MDH1B: variants seen among roughly 807,000 people sequenced by gnomAD.
MDH1B encodes the protein malate dehydrogenase 1B, also known as putative malate dehydrogenase 1B.
A neutral mutation model predicts 61.4 loss-of-function variants in MDH1B; 60 were observed. The observed-to-expected ratio is 0.98, with a 90% CI of 0.79 to 1.21. The LOEUF (loss-of-function observed/expected upper bound fraction) is 1.21, where lower values mean the gene tolerates loss of function less well. MDH1B is among the 50% of genes most tolerant of loss of function. The pLI is 0.00. For synonymous variants in MDH1B, 236 were observed against 218.7 expected, an observed-to-expected ratio of 1.08 and a Z score of -0.70; for missense variants, 587 against 632.1, an observed-to-expected ratio of 0.93 and a Z score of 0.76.
chr2:206,743,490 C>T (rs1687929345), intron 9 of MDH1B, among the ~76,000 whole-genome samples: 1 of 152,150 alleles, frequency 6.6e-6, no homozygotes, highest in South Asian at 2.1e-4. Flanking sequence ...CTCTTACCTT[C>T]TCTCTAGACA....
intron 11 of MDH1B, among the ~76,000 whole-genome samples, 190 bp from the exon 12 acceptor site, chr2:206,738,701 A>C (rs1687635961): frequency 6.6e-6 from 1 of 152,090 alleles, no homozygotes; most frequent in Non-Finnish European, 1.5e-5. Context: ...ATATAGCAAA[A>C]CTAATTGTGG....
At chr2:206,740,973 T>C in intron 10 of MDH1B, 81 bp downstream of exon 10, 2 of 1,586,018 alleles carry the variant, frequency 1.3e-6, no homozygotes, top group South Asian at 1.1e-5. Context: ...CGCTAGACCA[T>C]AACATTATTC....
intron 5 of MDH1B, among the ~76,000 whole-genome samples, chr2:206,754,088 G>GAT (rs1171691823): frequency 6.6e-6 from 1 of 152,154 alleles, no homozygotes; most frequent in Non-Finnish European, 1.5e-5. Context: ...AAATACTAAA[G>GAT]ATATGTATGC....
At chr2:206,752,350 A>G (rs1688500309) in intron 5 of MDH1B, among the ~76,000 whole-genome samples, 1 of 152,208 alleles carries the variant, frequency 6.6e-6, no homozygotes, top group African/African-American at 2.4e-5. Context: ...GAGCCTCTAT[A>G]GTAGAGAGAG....
intron 9 of MDH1B, 45 bp downstream of exon 9, chr2:206,745,577 C>T (rs752079190): frequency 7.2e-7 from 1 of 1,389,876 alleles, no homozygotes; most frequent in Admixed American, 1.8e-5. Context: ...TATTTTAATA[C>T]TCTTTTAATA....
intron 10 of MDH1B, among the ~76,000 whole-genome samples, chr2:206,740,038 T>C (rs1346469127): frequency 6.6e-6 from 1 of 152,240 alleles, no homozygotes; most frequent in South Asian, 2.1e-4. Context: ...GACTAAATTA[T>C]TATTTTTTTG....
chr2:206,751,162 T>A (rs766635418), intron 5 of MDH1B, 87 bp from the exon 6 acceptor site: 118 of 965,870 alleles, frequency 1.2e-4, no homozygotes, highest in Non-Finnish European at 1.7e-4. Flanking sequence ...TTTGCGTGCA[T>A]GTTTGTTTTA....
intron 10 of MDH1B, 28 bp downstream of exon 10, chr2:206,741,026 G>C: frequency 6.2e-7 from 1 of 1,612,634 alleles, no homozygotes; most frequent in Non-Finnish European, 8.5e-7. Context: ...TAGCAATATA[G>C]ACATTGTTTA....
intron 7 of MDH1B, among the ~76,000 whole-genome samples, chr2:206,748,271 C>A (rs1313933065): frequency 6.6e-6 from 1 of 152,198 alleles, no homozygotes; most frequent in East Asian, 1.9e-4. Context: ...CCCAGCTACT[C>A]GGGAGGCTGG....
In MDH1B at chr2:206,741,053, C is replaced by A; in HGVS notation, c.1459+1G>T. The A allele has an allele frequency of 6.2e-7, 1 of 1,613,100 alleles. No homozygotes were observed. Among genetic ancestry groups the A allele is most frequent in the Non-Finnish European group, 8.5e-7 (1 of 1,179,506 alleles). ...CATTGTTTATAACCCCACTGACTTA[C>A]CATCTGACATAGCTAGATTTTTTTC... On this transcript the variant is annotated splice_donor_variant, in intron 10 of 11. Coordinates refer to ENST00000374412, the MANE Select transcript of MDH1B (RefSeq NM_001039845.3). LOFTEE classifies it high-confidence loss of function.
Position 206,745,604 on chromosome 2 carries a change from T to A in MDH1B, c.1408+18A>T. On this transcript the variant is annotated intron_variant, in intron 9 of 11. Transcript: ENST00000374412. ...CTTTTAATAGCAGTCCAATAAAACA[T>A]CACGTCTAAGAGCTTACCTGATTGG... is the stretch of plus-strand genomic sequence containing the variant. 1 of 1,591,114 alleles carries A rather than the reference T, an allele frequency of 6.3e-7. No individual in the cohort carries two copies. Among genetic ancestry groups the A allele is most frequent in the African/African-American group, 1.3e-5 (1 of 74,364 alleles).
chr2:206,759,718 G>C (rs1688981109), intron 2 of MDH1B, among the ~76,000 whole-genome samples: 1 of 152,136 alleles, frequency 6.6e-6, no homozygotes, highest in African/African-American at 2.4e-5. Flanking sequence ...TATGATTGTA[G>C]CCAAGGCTGT....
At chr2:206,743,720 G>T (rs1019431857) in intron 9 of MDH1B, among the ~76,000 whole-genome samples, 2 of 151,898 alleles carry the variant, frequency 1.3e-5, no homozygotes, top group Non-Finnish European at 2.9e-5. Flanking sequence ...ATCCACAGGC[G>T]TGCATGCACA....
intron 9 of MDH1B, chr2:206,745,326 T>C (rs1337097593): frequency 3.8e-6 from 2 of 530,350 alleles, no homozygotes; most frequent in South Asian, 3.1e-5. Flanking sequence ...TAAATTTCTG[T>C]TGTTTTTAAG....
intron 7 of MDH1B, 115 bp downstream of exon 7, chr2:206,748,905 T>A (rs1291173414): frequency 1.2e-6 from 1 of 802,048 alleles, no homozygotes; most frequent in Non-Finnish European, 2.0e-6. Flanking sequence ...ATTGTAAAAG[T>A]CCAGGCAGCT....
chr2:206,757,748 T>C (rs917270297), intron 2 of MDH1B, among the ~76,000 whole-genome samples: 13 of 152,238 alleles, frequency 8.5e-5, no homozygotes, highest in African/African-American at 2.9e-4. Context: ...TTTCCAGTCT[T>C]AGGGGCATAT....
At chr2:206,749,256 G>A (rs13427620) in intron 6 of MDH1B, 73 bp from the exon 7 acceptor site, 759,790 of 1,331,942 alleles carry the variant, frequency 0.57, 218,717 homozygotes, top group African/African-American at 0.74. Flanking sequence ...CCCTGGCTCA[G>A]TGGAACTAAG....
At chr2:206,765,201 T>A in intron 1 of MDH1B, 49 bp downstream of exon 1, 1 of 1,593,422 alleles carries the variant, frequency 6.3e-7, no homozygotes, top group Non-Finnish European at 8.5e-7. Context: ...GGAGGTGAGC[T>A]GTTGTCGGCG....
At position 206,757,274 on chromosome 2, in the gene MDH1B, A is replaced by T. The variant is rs757471946; in HGVS notation, c.233T>A (p.Leu78His). 8 of 1,613,968 alleles carry T rather than the reference A, an allele frequency of 5.0e-6. No individual in the cohort carries two copies. The highest frequency in any genetic ancestry group is 1.7e-5 in the Admixed American group (1 of 60,010). ...ELLDRGGKGL[L>H]LGGYNEFLEH... ...CAGGAACTCATTATATCCTCCCAAA[A>T]GCAAACCCTTTCCTCCACGATCCAA... The change falls in exon 3 of 12, where the codon CTT (leucine) becomes CAT (histidine). Residue 78 changes from leucine to histidine, a missense_variant. Coordinates refer to ENST00000374412, the MANE Select transcript of MDH1B (RefSeq NM_001039845.3).
Sources: gnomAD v4.1 joint callset for allele counts (sites outside exome capture counted in the v4.1 genomes callset) on GRCh38, gnomAD v4.1.1 for gene constraint, MANE v1.5 for transcripts, NCBI Gene and HGNC (gene_info 2026-07-23, HGNC 2026-07-21) for gene names.